CNTN5: variants seen among roughly 807,000 people sequenced by gnomAD.
The protein encoded by CNTN5 is contactin 5.
In CNTN5, 77 loss-of-function variants were observed where a neutral mutation model predicts 129.1. The ratio of observed to expected loss-of-function variants is 0.60; its 90% CI spans 0.50 to 0.72. The LOEUF (loss-of-function observed/expected upper bound fraction) is 0.72. Among genes scored for constraint, CNTN5 ranks in the 30% least tolerant of loss-of-function variants. The pLI is 0.00. For synonymous variants in CNTN5, 509 were observed against 465.6 expected, an observed-to-expected ratio of 1.09 and a Z score of -1.20; for missense variants, 1,478 against 1,328.8, an observed-to-expected ratio of 1.11 and a Z score of -1.75.
intron 1 of CNTN5, among the ~76,000 whole-genome samples, chr11:99,296,273 C>T (rs936704894): frequency 2.0e-5 from 3 of 152,052 alleles, no homozygotes; most frequent in Admixed American, 6.6e-5. Context: ...TATGGAGGCA[C>T]CCTTCTCAGC....
chr11:100,235,496 T>G (rs1949592848), intron 16 of CNTN5, among the ~76,000 whole-genome samples: 1 of 152,048 alleles, frequency 6.6e-6, no homozygotes, highest in African/African-American at 2.4e-5. Flanking sequence ...TGATGGTTCT[T>G]CCTCCCCTCC....
At chr11:100,314,834 G>A (rs1357818092) in intron 21 of CNTN5, among the ~76,000 whole-genome samples, 5 of 152,042 alleles carry the variant, frequency 3.3e-5, no homozygotes, top group Non-Finnish European at 7.4e-5. Flanking sequence ...CTCTGATTCT[G>A]ACCCTAAGTT....
intron 1 of CNTN5, among the ~76,000 whole-genome samples, chr11:99,042,365 CTTTTTT>C (rs1210153589): frequency 6.0e-5 from 5 of 83,798 alleles, no homozygotes; most frequent in African/African-American, 2.0e-4. Flanking sequence ...TCTTCTTCTT[CTTTTTT>C]TTTTTTTTTT....
chr11:99,460,176 C>A (rs1944641554), intron 2 of CNTN5, among the ~76,000 whole-genome samples: 1 of 151,330 alleles, frequency 6.6e-6, no homozygotes, highest in African/African-American at 2.4e-5. Context: ...AAATATAAAA[C>A]TTTTAATGTA....
chr11:100,355,074 T>A (rs1049099907), intron 24 of CNTN5, among the ~76,000 whole-genome samples: 10 of 151,800 alleles, frequency 6.6e-5, no homozygotes, highest in Admixed American at 1.3e-4. Context: ...TAGCTTACTG[T>A]AACTGTTTTA....
chr11:99,661,820 T>C (rs1304516024), intron 3 of CNTN5, among the ~76,000 whole-genome samples: 6 of 152,116 alleles, frequency 3.9e-5, no homozygotes, highest in Admixed American at 3.9e-4. Context: ...TAGAAATTGC[T>C]TCAAAAACTA....
At chr11:99,086,860 T>TTACCA (rs1866028106) in intron 1 of CNTN5, among the ~76,000 whole-genome samples, 1 of 152,182 alleles carries the variant, frequency 6.6e-6, no homozygotes, top group Non-Finnish European at 1.5e-5. Context: ...TATAAAATGT[T>TTACCA]TACCATATGC....
At chr11:99,602,464 C>T (rs1334396059) in intron 3 of CNTN5, among the ~76,000 whole-genome samples, 1 of 151,974 alleles carries the variant, frequency 6.6e-6, no homozygotes, top group Non-Finnish European at 1.5e-5. Context: ...ATAAAAGGAG[C>T]AAAAGGTTCA....
At chr11:99,630,480 T>C (rs1200684334) in intron 3 of CNTN5, among the ~76,000 whole-genome samples, 1 of 151,984 alleles carries the variant, frequency 6.6e-6, no homozygotes. Context: ...ATGATTACAT[T>C]AGCTGTCTTT....
chr11:99,365,367 T>C (rs1349298759), intron 2 of CNTN5, among the ~76,000 whole-genome samples: 1 of 152,198 alleles, frequency 6.6e-6, no homozygotes, highest in East Asian at 1.9e-4. Context: ...TCTTTCCAAC[T>C]TCATACTTTT....
intron 6 of CNTN5, among the ~76,000 whole-genome samples, chr11:99,915,738 A>G (rs911872112): frequency 2.0e-5 from 3 of 152,170 alleles, no homozygotes; most frequent in African/African-American, 7.2e-5. Context: ...TAGTAGAAAT[A>G]TCACTACGTA....
chr11:100,280,952 A>G (rs1044763788), intron 18 of CNTN5, among the ~76,000 whole-genome samples: 3 of 152,148 alleles, frequency 2.0e-5, no homozygotes, highest in African/African-American at 7.2e-5. Context: ...CAAACAAGTA[A>G]AAAGAAAACT....
intron 7 of CNTN5, among the ~76,000 whole-genome samples, chr11:99,938,471 G>C (rs191291886): frequency 1.0e-3 from 158 of 152,190 alleles, no homozygotes; most frequent in African/African-American, 3.6e-3. Context: ...TCAGCTCTTA[G>C]ATCTATCTAC....
At chr11:99,230,500 C>A (rs1860936052) in intron 1 of CNTN5, among the ~76,000 whole-genome samples, 1 of 152,048 alleles carries the variant, frequency 6.6e-6, no homozygotes, top group Non-Finnish European at 1.5e-5. Flanking sequence ...TTTGTTTAAC[C>A]TTTAATGAAG....
intron 3 of CNTN5, among the ~76,000 whole-genome samples, chr11:99,816,205 A>G (rs557391348): frequency 6.6e-6 from 1 of 152,090 alleles, no homozygotes; most frequent in African/African-American, 2.4e-5. Flanking sequence ...TTCCCTTTCC[A>G]GATTCGAGTA....
At chr11:100,308,312 G>C in intron 20 of CNTN5, 47 bp from the exon 21 acceptor site, 1 of 1,566,048 alleles carries the variant, frequency 6.4e-7, no homozygotes, top group East Asian at 2.3e-5. Flanking sequence ...GCAATACTTT[G>C]ATGGACATAA....
intron 1 of CNTN5, among the ~76,000 whole-genome samples, chr11:99,103,657 C>T (rs1469834715): frequency 1.3e-5 from 2 of 151,216 alleles, no homozygotes; most frequent in Non-Finnish European, 2.9e-5. Flanking sequence ...TGATTGTGAC[C>T]CTATTTGGAA....
intron 21 of CNTN5, chr11:100,309,490 T>C: frequency 1.0e-6 from 1 of 967,494 alleles, no homozygotes; most frequent in Non-Finnish European, 1.2e-6. Context: ...ACTTATACAA[T>C]ATCATGGACT....
At chr11:99,996,405 G>A in intron 8 of CNTN5, among the ~76,000 whole-genome samples, 1 of 152,162 alleles carries the variant, frequency 6.6e-6, no homozygotes, top group South Asian at 2.1e-4. Flanking sequence ...GATAATCAAT[G>A]CTCTCTATTT....
Sources: gnomAD v4.1 joint callset for allele counts (sites outside exome capture counted in the v4.1 genomes callset) on GRCh38, gnomAD v4.1.1 for gene constraint, MANE v1.5 for transcripts, NCBI Gene and HGNC (gene_info 2026-07-23, HGNC 2026-07-21) for gene names.